Variants in NRK observed in about 807,000 individuals in gnomAD.
The protein encoded by NRK is nik-related protein kinase.
A neutral mutation model predicts 125.2 loss-of-function variants in NRK; 67 were observed. The observed-to-expected ratio is 0.54, with a 90% CI of 0.44 to 0.66. NRK has a LOEUF of 0.66. Among genes scored for constraint, NRK ranks in the 30% least tolerant of loss-of-function variants. NRK has a pLI of 0.00. For missense variants in NRK, 1,224 were observed against 1,192.9 expected (o/e 1.03, Z -0.38); for synonymous variants, 458 against 429.0 (o/e 1.07, Z -0.84).
chrX:105,854,121 A>C (rs183598898), intron 2 of NRK, among the ~76,000 whole-genome samples: 2 of 112,100 alleles, frequency 1.8e-5, no homozygotes, highest in East Asian at 5.6e-4. Context: ...CAGAACTTTC[A>C]GATCTGGAAA....
chrX:105,938,125 A>G (rs765045915), intron 22 of NRK, among the ~76,000 whole-genome samples: 1 of 111,706 alleles, frequency 9.0e-6, no homozygotes, highest in Non-Finnish European at 1.9e-5. Flanking sequence ...GAATACAAGA[A>G]AGCAAGTAAA....
intron 2 of NRK, among the ~76,000 whole-genome samples, chrX:105,856,550 G>A (rs1371277844): frequency 9.0e-6 from 1 of 110,978 alleles, no homozygotes; most frequent in Non-Finnish European, 1.9e-5. Flanking sequence ...TTTCAGTAAA[G>A]GAGAAGAACA....
chrX:105,844,023 G>GTGTC (rs1555978650), intron 2 of NRK, among the ~76,000 whole-genome samples: 14,522 of 92,178 alleles, frequency 0.16, 900 homozygotes, highest in African/African-American at 0.3. Context: ...GTGTGTCTGT[G>GTGTC]TGTGTGTGTG....
intron 2 of NRK, among the ~76,000 whole-genome samples, chrX:105,858,503 C>G (rs1369973653): frequency 9.1e-6 from 1 of 109,714 alleles, no homozygotes; most frequent in African/African-American, 3.3e-5. Flanking sequence ...TAGAAAAGCA[C>G]TGAGACTTAG....
chrX:105,863,236 A>G (rs2039624541), intron 2 of NRK, among the ~76,000 whole-genome samples: 2 of 110,348 alleles, frequency 1.8e-5, no homozygotes, highest in Admixed American at 2.0e-4. Context: ...ATTGAATACT[A>G]TTACTACTGG....
intron 16 of NRK, among the ~76,000 whole-genome samples, chrX:105,921,482 T>TA (rs767243455): frequency 1.2e-3 from 121 of 100,022 alleles, no homozygotes; most frequent in Non-Finnish European, 1.6e-3. Context: ...AAAGTATAAT[T>TA]AAAAAAAAAA....
chrX:105,879,235 C>T (rs1181798453), intron 2 of NRK, among the ~76,000 whole-genome samples: 1 of 110,713 alleles, frequency 9.0e-6, no homozygotes, highest in Non-Finnish European at 1.9e-5. Context: ...CTGCAAAGAC[C>T]CTGTTTCCAA....
intron 2 of NRK, among the ~76,000 whole-genome samples, chrX:105,869,188 A>G (rs1014247440): frequency 9.0e-6 from 1 of 111,358 alleles, no homozygotes; most frequent in South Asian, 3.8e-4. Flanking sequence ...ATAAAGGTCA[A>G]TTCAAGGCAA....
chrX:105,918,616 A>C (rs752526166), intron 16 of NRK, among the ~76,000 whole-genome samples: 1 of 110,900 alleles, frequency 9.0e-6, no homozygotes, highest in East Asian at 2.8e-4. Flanking sequence ...CAAATTTTTA[A>C]AAATTTTTTC....
At chrX:105,908,600 A>G in intron 12 of NRK, 127 bp from the exon 13 acceptor site, 1 of 880,356 alleles carries the variant, frequency 1.1e-6, no homozygotes, top group East Asian at 3.4e-5. Context: ...ATGATTTCAG[A>G]AAGGTTTACT....
At chrX:105,894,117 CTTTAAAT>C (rs1288000400) in intron 6 of NRK, among the ~76,000 whole-genome samples, 175 bp downstream of exon 6, 1 of 112,082 alleles carries the variant, frequency 8.9e-6, no homozygotes, top group Non-Finnish European at 1.9e-5. Flanking sequence ...CAGCTGACGC[CTTTAAAT>C]AAGCTGGGTA....
chrX:105,845,727 A>C (rs1048190483), intron 2 of NRK, among the ~76,000 whole-genome samples: 2 of 111,570 alleles, frequency 1.8e-5, no homozygotes, highest in Non-Finnish European at 3.8e-5. Context: ...ATCCCAGATC[A>C]GCCTATCTAA....
chrX:105,892,092 T>TGCTAGATG (rs2040023016), intron 5 of NRK, among the ~76,000 whole-genome samples: 2 of 111,869 alleles, frequency 1.8e-5, no homozygotes, highest in South Asian at 7.3e-4. Flanking sequence ...TCAGGTGTTG[T>TGCTAGATG]GCTAGATGCT....
intron 2 of NRK, among the ~76,000 whole-genome samples, chrX:105,854,798 G>A (rs1049506145): frequency 1.8e-5 from 2 of 111,640 alleles, no homozygotes; most frequent in Non-Finnish European, 3.8e-5. Context: ...GTGTATTACC[G>A]TAAGCATGAG....
At position 105,898,701 on chromosome X, in the gene NRK, C is replaced by T. The variant is rs2040117280; in HGVS notation, c.698C>T (p.Ser233Phe). 5.1e-6 allele frequency: 6 copies of T among 1,180,523 alleles called. No homozygotes were observed. The highest frequency in any genetic ancestry group is 2.3e-5 in the Admixed American group (1 of 42,588). ...GACTGTGATGAGGACCCAAGACGCT[C>T]CTATGATTACAGAGTGAGTGTGAGA... ...VIDCDEDPRRSYDYRSDVWSV... is the reference protein window; with the variant it reads ...VIDCDEDPRRFYDYRSDVWSV... Residue 233 changes from serine (S) to phenylalanine (F), a missense_variant, in exon 8 of 29, where the codon TCC (serine) becomes TTC (phenylalanine). Coordinates refer to ENST00000243300, the MANE Select transcript of NRK (RefSeq NM_198465.4).
At chrX:105,929,026 A>G (rs1054157195) in intron 19 of NRK, among the ~76,000 whole-genome samples, 12 of 111,548 alleles carry the variant, frequency 1.1e-4, no homozygotes, top group Admixed American at 2.9e-4. Flanking sequence ...TTTAAATCCA[A>G]TGTTTCTTTG....
intron 5 of NRK, among the ~76,000 whole-genome samples, chrX:105,893,249 G>C (rs1196818731): frequency 1.8e-5 from 2 of 111,904 alleles, no homozygotes; most frequent in East Asian, 5.6e-4. Flanking sequence ...TATCCCACAG[G>C]AATGCAATTG....
In NRK at chrX:105,924,919, G is replaced by A. The variant is rs749281665; in HGVS notation, c.3200G>A (p.Arg1067Gln). 4.1e-6 allele frequency: 5 copies of A among 1,210,336 alleles called. No individual in the cohort carries two copies. Among genetic ancestry groups the A allele is most frequent in the Non-Finnish European group, 4.5e-6 (4 of 894,332 alleles). ...GGTGATGGAGGTAAGGGAGTCGTTC[G>A]AACCAGTGAAGAGAGTGGAGCCCTT... ...SEGDGGKGVVRTSEESGALGL... is the reference protein window; with the variant it reads ...SEGDGGKGVVQTSEESGALGL... The change falls in exon 19 of 29, where the codon CGA becomes CAA. Residue 1067 changes from arginine (R) to glutamine (Q), a missense_variant. By Grantham distance (43) the Arg-to-Gln change is conservative. Transcript: ENST00000243300.
intron 5 of NRK, 88 bp downstream of exon 5, chrX:105,888,507 C>A: frequency 1.2e-6 from 1 of 811,476 alleles, no homozygotes; most frequent in Non-Finnish European, 1.7e-6. Flanking sequence ...TTTTGTGCAT[C>A]TACAGGAAAA....
Sources: gnomAD v4.1 joint callset for allele counts (sites outside exome capture counted in the v4.1 genomes callset) on GRCh38, gnomAD v4.1.1 for gene constraint, MANE v1.5 for transcripts, NCBI Gene and HGNC (gene_info 2026-07-23, HGNC 2026-07-21) for gene names.